SYNPR: variants seen among roughly 807,000 people sequenced by gnomAD.
SYNPR encodes the protein synaptoporin.
Under a neutral mutation model 32.9 loss-of-function variants are expected in SYNPR, and 23 were observed. The observed-to-expected ratio is 0.70, with a 90% CI of 0.50 to 0.99. SYNPR has a LOEUF of 0.99. Among genes scored for constraint, SYNPR ranks in the 50% least tolerant of loss-of-function variants. The pLI is 0.00. For synonymous variants in SYNPR, 146 were observed against 135.9 expected (o/e 1.07, Z -0.52); for missense variants, 318 against 349.3 (o/e 0.91, Z 0.71).
intron 3 of SYNPR, among the ~76,000 whole-genome samples, chr3:63,508,464 C>A (rs1026369843): frequency 1.3e-5 from 2 of 152,062 alleles, no homozygotes; most frequent in Admixed American, 6.6e-5. Flanking sequence ...TAAGGTGACT[C>A]TGGTGATGTA....
intron 4 of SYNPR, among the ~76,000 whole-genome samples, chr3:63,563,184 C>G (rs11713383): frequency 6.6e-6 from 1 of 151,882 alleles, no homozygotes; most frequent in Non-Finnish European, 1.5e-5. Flanking sequence ...ATCCCCAAGT[C>G]GCCAAGGATA....
At chr3:63,508,608 T>C (rs1259874678) in intron 3 of SYNPR, among the ~76,000 whole-genome samples, 1 of 152,126 alleles carries the variant, frequency 6.6e-6, no homozygotes, top group Non-Finnish European at 1.5e-5. Context: ...GAAAGTGACT[T>C]CCTCCTGGCT....
At chr3:63,437,445 C>G (rs1037342329) in intron 2 of SYNPR, among the ~76,000 whole-genome samples, 1 of 151,832 alleles carries the variant, frequency 6.6e-6, no homozygotes, top group African/African-American at 2.4e-5. Flanking sequence ...GGGTTTCAGG[C>G]AGGAAATAGC....
At chr3:63,205,018 G>C in the SYNPR span, among the ~76,000 whole-genome samples, 8 of 152,126 alleles carry the variant, frequency 5.3e-5, no homozygotes, top group African/African-American at 1.7e-4. Context: ...GACTCTGACT[G>C]TTCCCTCACC....
intron 2 of SYNPR, among the ~76,000 whole-genome samples, chr3:63,357,739 C>G (rs1398499194): frequency 6.6e-6 from 1 of 152,092 alleles, no homozygotes; most frequent in Admixed American, 6.5e-5. Context: ...GGCCTTACTC[C>G]TAAAATTCAG....
upstream of SYNPR, among the ~76,000 whole-genome samples, chr3:63,227,962 T>C (rs1431483797): frequency 2.6e-5 from 4 of 152,182 alleles, no homozygotes; most frequent in Non-Finnish European, 5.9e-5. Flanking sequence ...CAGCAGCATC[T>C]GCCACAGGCC....
intron 3 of SYNPR, among the ~76,000 whole-genome samples, chr3:63,500,380 A>G (rs1049242394): frequency 2.6e-5 from 4 of 152,118 alleles, no homozygotes; most frequent in African/African-American, 9.7e-5. Context: ...CTGACTTTGG[A>G]CTTGCCTCCC....
At chr3:63,529,678 T>C (rs1054576529) in intron 3 of SYNPR, among the ~76,000 whole-genome samples, 3 of 152,190 alleles carry the variant, frequency 2.0e-5, no homozygotes, top group African/African-American at 7.2e-5. Context: ...GAGAATATAT[T>C]AGTAAATGGA....
In SYNPR at chr3:63,610,437, A is replaced by C. The variant is rs1453735734; in HGVS notation, c.600+1121A>C. ...CATTCTTTAGCACATCCTAGAAATAATTATCTTTGCTTCAAGATTAACCTG... is the reference window on the plus strand; with the variant it reads ...CATTCTTTAGCACATCCTAGAAATACTTATCTTTGCTTCAAGATTAACCTG... On this transcript the variant is annotated intron_variant, in intron 5 of 5. Transcript: ENST00000478300. 4.4e-6 allele frequency: 3 copies of C among 682,892 alleles called. No individual in the cohort carries two copies. In the South Asian group the frequency reaches 4.7e-5, roughly 11 times the overall value. The allele number at this position is 682,892 out of a possible 1,614,324, so 42.3% of individuals were successfully genotyped here. A position where few individuals can be genotyped will look rare whatever the true frequency, so the allele number is the denominator to read the frequency against.
chr3:63,300,804 C>T (rs1267585510), intron 2 of SYNPR, among the ~76,000 whole-genome samples: 1 of 152,074 alleles, frequency 6.6e-6, no homozygotes, highest in Non-Finnish European at 1.5e-5. Flanking sequence ...TTAGCTCCTT[C>T]CCCTGCTCTA....
chr3:63,461,129 T>A (rs916715599), intron 2 of SYNPR, among the ~76,000 whole-genome samples: 1 of 152,106 alleles, frequency 6.6e-6, no homozygotes, highest in Non-Finnish European at 1.5e-5. Context: ...GGAAATATCC[T>A]AAAAGGAGCA....
chr3:63,331,501 G>C (rs533227729), intron 2 of SYNPR, among the ~76,000 whole-genome samples: 162 of 152,220 alleles, frequency 1.1e-3, no homozygotes, highest in African/African-American at 3.8e-3. Context: ...AAAAGGAAGA[G>C]TAGTAATATA....
intron 5 of SYNPR, among the ~76,000 whole-genome samples, chr3:63,613,882 C>A (rs1237478074): frequency 1.3e-5 from 2 of 152,140 alleles, no homozygotes; most frequent in African/African-American, 4.8e-5. Flanking sequence ...CAAGAAAGTA[C>A]AGTCCCCAGG....
intron 2 of SYNPR, among the ~76,000 whole-genome samples, chr3:63,254,174 G>C (rs7646717): frequency 0.76 from 115,348 of 151,948 alleles, 44,614 homozygotes; most frequent in Middle Eastern, 0.86. Flanking sequence ...GTTGTGGGGT[G>C]GGGGGAGAGG....
chr3:63,435,270 G>A (rs547495912), intron 2 of SYNPR, among the ~76,000 whole-genome samples: 5 of 152,208 alleles, frequency 3.3e-5, no homozygotes, highest in Admixed American at 6.5e-5. Context: ...TATCATTTTC[G>A]TTTGTAAAAT....
chr3:63,526,312 C>A (rs1188855632), intron 3 of SYNPR, among the ~76,000 whole-genome samples: 3 of 152,196 alleles, frequency 2.0e-5, no homozygotes, highest in African/African-American at 7.2e-5. Flanking sequence ...TAAGTATTCT[C>A]CATCCCCTTG....
chr3:63,211,446 A>C, the SYNPR span, among the ~76,000 whole-genome samples: 565 of 152,334 alleles, frequency 3.7e-3, 2 homozygotes, highest in African/African-American at 0.013. Context: ...TCAAGTTTAC[A>C]GTTTTTTGCA....
At chr3:63,344,544 AAAAAGAT>A in intron 2 of SYNPR, among the ~76,000 whole-genome samples, 1 of 136,330 alleles carries the variant, frequency 7.3e-6, no homozygotes, top group Admixed American at 8.8e-5. Flanking sequence ...TGCATATTCA[AAAAAGAT>A]TTTTTTTTTT....
intron 2 of SYNPR, among the ~76,000 whole-genome samples, chr3:63,474,407 T>C (rs1453192140): frequency 6.6e-6 from 1 of 152,186 alleles, no homozygotes; most frequent in Non-Finnish European, 1.5e-5. Flanking sequence ...GCCTCTGCTA[T>C]AATAACTAAC....
Sources: allele counts gnomAD v4.1 joint callset (sites outside exome capture counted in the v4.1 genomes callset), GRCh38; gene constraint gnomAD v4.1.1; transcripts MANE v1.5; gene names NCBI Gene and HGNC (gene_info 2026-07-23, HGNC 2026-07-21).